Variants in TRPM3 observed in about 807,000 individuals in gnomAD.
The protein encoded by TRPM3 is transient receptor potential cation channel subfamily M member 3.
Under a neutral mutation model 181.2 loss-of-function variants are expected in TRPM3, and 77 were observed. The observed-to-expected ratio is 0.42, with a 90% confidence interval of 0.35 to 0.51. TRPM3 has a LOEUF of 0.51. TRPM3 is among the 20% of genes least tolerant of loss of function. TRPM3 has a pLI of 0.01. For missense variants in TRPM3, 1,759 were observed against 2,196.7 expected (o/e 0.80, Z 3.98); for synonymous variants, 745 against 796.4 (o/e 0.94, Z 1.09).
intron 6 of TRPM3, chr9:70,825,822 A>T (rs1358114133): frequency 2.6e-5 from 4 of 152,242 alleles, no homozygotes; most frequent in Admixed American, 2.6e-4. Context: ...CTCTGGGATG[A>T]TCAATTAGAA....
intron 11 of TRPM3, among the ~76,000 whole-genome samples, 176 bp downstream of exon 11, chr9:70,638,884 G>C (rs1489220214): frequency 6.6e-6 from 1 of 152,134 alleles, no homozygotes; most frequent in African/African-American, 2.4e-5. Context: ...ATTAAAACAA[G>C]CGGAATCTTG....
chr9:71,071,763 A>AGATT (rs1276202212), intron 1 of TRPM3, among the ~76,000 whole-genome samples: 2 of 152,268 alleles, frequency 1.3e-5, no homozygotes, highest in East Asian at 3.9e-4. Context: ...GGGTGCTGAG[A>AGATT]GATTCATTTA....
intron 12 of TRPM3, among the ~76,000 whole-genome samples, chr9:70,630,765 G>A (rs1478413456): frequency 6.6e-6 from 1 of 152,170 alleles, no homozygotes; most frequent in Non-Finnish European, 1.5e-5. Flanking sequence ...TGCTAGACAG[G>A]CTTGGGTTCT....
chr9:70,656,610 C>T (rs2060377631), intron 9 of TRPM3, among the ~76,000 whole-genome samples: 1 of 152,066 alleles, frequency 6.6e-6, no homozygotes, highest in South Asian at 2.1e-4. Flanking sequence ...TAAATGATGA[C>T]TATTGAAATT....
chr9:71,335,987 C>T (rs549454869), intron 1 of TRPM3, among the ~76,000 whole-genome samples: 21 of 152,128 alleles, frequency 1.4e-4, no homozygotes, highest in Non-Finnish European at 2.2e-4. Flanking sequence ...GGTGTTGCTC[C>T]TCCAGCCTAC....
intron 7 of TRPM3, among the ~76,000 whole-genome samples, chr9:70,771,830 T>C (rs2080333289): frequency 6.6e-6 from 1 of 152,186 alleles, no homozygotes; most frequent in Non-Finnish European, 1.5e-5. Context: ...TCTTACCCCA[T>C]AGCATATATC....
chr9:70,679,489 CA>C (rs1386736130), intron 9 of TRPM3, among the ~76,000 whole-genome samples: 5 of 152,154 alleles, frequency 3.3e-5, no homozygotes, highest in African/African-American at 1.2e-4. Flanking sequence ...ATAATTGGAT[CA>C]CTTCCCCATT....
intron 1 of TRPM3, among the ~76,000 whole-genome samples, chr9:70,904,689 TAAG>T (rs1384554485): frequency 6.6e-6 from 1 of 152,206 alleles, no homozygotes; most frequent in Non-Finnish European, 1.5e-5. Flanking sequence ...ATACTTAGTT[TAAG>T]AAGACAGTAA....
chr9:70,539,797 C>G (rs1469896670), intron 25 of TRPM3, among the ~76,000 whole-genome samples: 2 of 152,088 alleles, frequency 1.3e-5, no homozygotes, highest in Non-Finnish European at 2.9e-5. Context: ...TTTGCAAGTA[C>G]TGTAGTTAAA....
intron 1 of TRPM3, among the ~76,000 whole-genome samples, chr9:71,270,834 G>T (rs2083733081): frequency 6.6e-6 from 1 of 152,132 alleles, no homozygotes; most frequent in African/African-American, 2.4e-5. Flanking sequence ...CAGATCATTT[G>T]TTTTGGGGAA....
At chr9:70,831,574 T>C (rs956517256) in intron 5 of TRPM3, among the ~76,000 whole-genome samples, 6 of 152,140 alleles carry the variant, frequency 3.9e-5, no homozygotes, top group African/African-American at 1.4e-4. Context: ...GAACATAGGA[T>C]GATCCAGGTT....
At chr9:70,757,640 C>T (rs944324673) in intron 8 of TRPM3, among the ~76,000 whole-genome samples, 3 of 152,134 alleles carry the variant, frequency 2.0e-5, no homozygotes, top group Non-Finnish European at 4.4e-5. Flanking sequence ...TTATCCACCA[C>T]GATAAAGTCA....
chr9:71,003,498 T>G (rs2097639204), intron 1 of TRPM3, among the ~76,000 whole-genome samples: 1 of 152,070 alleles, frequency 6.6e-6, no homozygotes, highest in South Asian at 2.1e-4. Flanking sequence ...TATGTATATT[T>G]ATTAGATATT....
intron 1 of TRPM3, among the ~76,000 whole-genome samples, chr9:70,967,139 C>T (rs2097193463): frequency 6.6e-6 from 1 of 152,050 alleles, no homozygotes; most frequent in African/African-American, 2.4e-5. Context: ...GTGGTTTTCT[C>T]ACAAATTTCA....
intron 1 of TRPM3, among the ~76,000 whole-genome samples, chr9:71,400,950 C>A (rs1312176311): frequency 6.6e-6 from 1 of 152,100 alleles, no homozygotes; most frequent in African/African-American, 2.4e-5. Context: ...GTAATCCCAG[C>A]ACTTTGGGAG....
At chr9:70,672,806 G>A (rs1231754511) in intron 9 of TRPM3, among the ~76,000 whole-genome samples, 1 of 152,038 alleles carries the variant, frequency 6.6e-6, no homozygotes, top group African/African-American at 2.4e-5. Flanking sequence ...GATGCCAGGA[G>A]GACTTCTGTT....
intron 1 of TRPM3, among the ~76,000 whole-genome samples, chr9:70,915,443 G>T (rs916769856): frequency 1.3e-5 from 2 of 150,400 alleles, no homozygotes; most frequent in Non-Finnish European, 3.0e-5. Context: ...GACTACAGGC[G>T]CCCACCACCA....
At chr9:70,944,498 C>T (rs1425321277) in intron 1 of TRPM3, among the ~76,000 whole-genome samples, 1 of 152,004 alleles carries the variant, frequency 6.6e-6, no homozygotes, top group East Asian at 1.9e-4. Flanking sequence ...TCTCTTTTGT[C>T]CTTTAACGAA....
chr9:71,211,420 C>G (rs2079498704), intron 1 of TRPM3, among the ~76,000 whole-genome samples: 1 of 150,626 alleles, frequency 6.6e-6, no homozygotes, highest in Non-Finnish European at 1.5e-5. Flanking sequence ...GTACTAAAGA[C>G]AGTAATGCCA....
Sources: allele counts gnomAD v4.1 joint callset (sites outside exome capture counted in the v4.1 genomes callset), GRCh38; gene constraint gnomAD v4.1.1; transcripts MANE v1.5; gene names NCBI Gene and HGNC (gene_info 2026-07-23, HGNC 2026-07-21).